Variants in DPP10 observed in about 807,000 individuals in gnomAD.
The protein encoded by DPP10 is dipeptidyl peptidase like 10.
DPP10 carries 33 observed loss-of-function variants against 120.9 expected under a neutral mutation model. The observed-to-expected ratio is 0.27, with a 90% CI of 0.21 to 0.37. The LOEUF (loss-of-function observed/expected upper bound fraction) is 0.37, where lower values mean the gene tolerates loss of function less well. DPP10 is among the 10% of genes least tolerant of loss of function. DPP10 has a pLI of 1.00. For missense variants in DPP10, 816 were observed against 942.8 expected, an observed-to-expected ratio of 0.87 and a Z score of 1.76; for synonymous variants, 337 against 326.1, an observed-to-expected ratio of 1.03 and a Z score of -0.36.
At chr2:114,549,636 G>A (rs1004820989) in intron 1 of DPP10, among the ~76,000 whole-genome samples, 2 of 149,104 alleles carry the variant, frequency 1.3e-5, no homozygotes, top group African/African-American at 5.0e-5. Context: ...ACTCCAGCCT[G>A]GGCGACAGAG....
At chr2:115,618,061 T>A (rs10184384) in intron 5 of DPP10, among the ~76,000 whole-genome samples, 150,369 of 152,282 alleles carry the variant, frequency 0.99, 74,273 homozygotes, top group East Asian at 1. Context: ...CATTTAAAAC[T>A]TGAATTATTT....
At chr2:114,502,843 A>G (rs1369153798) in intron 1 of DPP10, among the ~76,000 whole-genome samples, 1 of 152,248 alleles carries the variant, frequency 6.6e-6, no homozygotes, top group African/African-American at 2.4e-5. Flanking sequence ...CTTTAAATGT[A>G]TGATTTCTAT....
At chr2:114,843,174 T>A (rs1312746215) in intron 1 of DPP10, among the ~76,000 whole-genome samples, 1 of 152,078 alleles carries the variant, frequency 6.6e-6, no homozygotes, top group Non-Finnish European at 1.5e-5. Flanking sequence ...CCCCCCAAGA[T>A]GAGAAATGAA....
chr2:114,896,405 T>C (rs544170997), intron 1 of DPP10, among the ~76,000 whole-genome samples: 31 of 152,342 alleles, frequency 2.0e-4, no homozygotes, highest in Non-Finnish European at 3.8e-4. Context: ...TCCTCTTTTA[T>C]TTCCTTGAGC....
intron 3 of DPP10, among the ~76,000 whole-genome samples, chr2:115,492,600 G>T (rs748828908): frequency 9.9e-5 from 15 of 152,028 alleles, no homozygotes; most frequent in Non-Finnish European, 2.1e-4. Context: ...AAAAAAGAAG[G>T]TTATTTGCAA....
At position 115,411,811 on chromosome 2, in the gene DPP10, A is replaced by G. The variant is rs1019502502; in HGVS notation, c.271+67899A>G. Among the ~76,000 whole-genome samples the G allele has an allele frequency of 2.6e-5, 4 of 152,330 alleles. No homozygotes were observed. The South Asian group carries it at 8.3e-4, about 32-fold the overall frequency. On this transcript the variant is annotated intron_variant, in intron 3 of 25. Coordinates refer to ENST00000410059, the MANE Select transcript of DPP10 (RefSeq NM_020868.6). Reference sequence around the variant, plus strand: ...CCTGCGATTATAAAGTCATGTTGACACACATGTAGTGGAATGGTTAAATCA... The same window carrying G: ...CCTGCGATTATAAAGTCATGTTGACGCACATGTAGTGGAATGGTTAAATCA...
chr2:114,737,696 A>G (rs1677588790), intron 1 of DPP10, among the ~76,000 whole-genome samples: 1 of 152,156 alleles, frequency 6.6e-6, no homozygotes, highest in Admixed American at 6.5e-5. Flanking sequence ...GGGCAATGCA[A>G]AAAGCATGAG....
intron 1 of DPP10, among the ~76,000 whole-genome samples, chr2:114,783,108 G>C (rs1486899518): frequency 6.6e-6 from 1 of 151,948 alleles, no homozygotes; most frequent in Non-Finnish European, 1.5e-5. Flanking sequence ...TTTAACAAGG[G>C]TTTAAAGATA....
intron 1 of DPP10, among the ~76,000 whole-genome samples, chr2:114,841,680 A>T (rs1688169791): frequency 6.6e-6 from 1 of 152,122 alleles, no homozygotes; most frequent in Non-Finnish European, 1.5e-5. Context: ...GTTTTATGGT[A>T]GACAGATCTA....
At chr2:114,606,268 G>A (rs1211255479) in intron 1 of DPP10, among the ~76,000 whole-genome samples, 1 of 152,108 alleles carries the variant, frequency 6.6e-6, no homozygotes, top group Admixed American at 6.6e-5. Context: ...TTTTATGCCT[G>A]CATTTTATGG....
intron 1 of DPP10, among the ~76,000 whole-genome samples, chr2:115,232,493 C>T (rs2057784976): frequency 1.3e-5 from 2 of 152,138 alleles, no homozygotes; most frequent in African/African-American, 4.8e-5. Flanking sequence ...CTTATACATG[C>T]TTCAATCTTC....
intron 5 of DPP10, among the ~76,000 whole-genome samples, chr2:115,537,259 G>C (rs2078906419): frequency 6.6e-6 from 1 of 151,914 alleles, no homozygotes; most frequent in African/African-American, 2.4e-5. Context: ...GCATGTGCCT[G>C]TTATTTATTT....
intron 19 of DPP10, among the ~76,000 whole-genome samples, chr2:115,800,841 T>C (rs1685137872): frequency 1.3e-5 from 2 of 152,088 alleles, no homozygotes; most frequent in South Asian, 4.1e-4. Context: ...ACTGTAGCCT[T>C]GTAGTATAGT....
At chr2:115,220,725 GAAAAC>G (rs1379019956) in intron 1 of DPP10, among the ~76,000 whole-genome samples, 1 of 152,090 alleles carries the variant, frequency 6.6e-6, no homozygotes, top group Non-Finnish European at 1.5e-5. Flanking sequence ...TGATATTGCT[GAAAAC>G]AAAACAAATC....
chr2:114,960,553 A>T (rs891044251), intron 1 of DPP10, among the ~76,000 whole-genome samples: 2 of 152,124 alleles, frequency 1.3e-5, no homozygotes, highest in Non-Finnish European at 2.9e-5. Context: ...CTGGAACATG[A>T]AAAAACTAAA....
At chr2:114,870,523 G>A (rs906486862) in intron 1 of DPP10, among the ~76,000 whole-genome samples, 1 of 138,236 alleles carries the variant, frequency 7.2e-6, no homozygotes, top group Non-Finnish European at 1.6e-5. Flanking sequence ...GGCAATAGAA[G>A]CTACAAAAAG....
intron 1 of DPP10, among the ~76,000 whole-genome samples, chr2:114,651,027 T>G (rs1696543428): frequency 6.6e-6 from 1 of 152,218 alleles, no homozygotes; most frequent in African/African-American, 2.4e-5. Flanking sequence ...CCTTCATAGT[T>G]TGACTACCAC....
In DPP10 at chr2:115,814,709, TA is replaced by T. The variant is rs112209458; in HGVS notation, c.1701-83del. ...AATAGCCAGCACAGTTCTTTCCCAT[TA>T]CTTAACTTGTGAGTATGAAAGGTAA... On this transcript the variant is annotated intron_variant, in intron 19 of 25. Transcript: ENST00000410059. 5,303 of 1,127,672 alleles carry T rather than the reference TA, an allele frequency of 4.7e-3. 166 individuals are homozygous for T. The African/African-American group carries it at 0.068, about 15-fold the overall frequency. 69.9% of individuals were successfully genotyped at this position (1,127,672 alleles called of 1,614,324 possible).
intron 1 of DPP10, among the ~76,000 whole-genome samples, chr2:115,032,840 G>T (rs529642531): frequency 6.5e-4 from 97 of 149,898 alleles, no homozygotes; most frequent in Middle Eastern, 3.5e-3. Flanking sequence ...AGCTGAGATC[G>T]CGCCATTGTA....
Sources: allele counts gnomAD v4.1 joint callset (sites outside exome capture counted in the v4.1 genomes callset), GRCh38; gene constraint gnomAD v4.1.1; transcripts MANE v1.5; gene names NCBI Gene and HGNC (gene_info 2026-07-23, HGNC 2026-07-21).